The following CNTNAP3 variants were observed in gnomAD, a reference collection of about 807,000 sequenced individuals.
CNTNAP3 encodes contactin associated protein family member 3, also known as contactin-associated protein-like 3.
A neutral mutation model predicts 92.1 loss-of-function variants in CNTNAP3; 36 were observed. The ratio of observed to expected loss-of-function variants is 0.39; its 90% CI spans 0.30 to 0.52. CNTNAP3 has a LOEUF of 0.52. Among genes scored for constraint, CNTNAP3 ranks in the 20% least tolerant of loss-of-function variants. CNTNAP3 has a pLI of 0.76. For synonymous variants in CNTNAP3, 232 were observed against 422.3 expected (o/e 0.55, Z 5.53); for missense variants, 534 against 1,069.6 (o/e 0.50, Z 6.98).
intron 12 of CNTNAP3, among the ~76,000 whole-genome samples, chr9:39,137,450 T>A (rs1269096763): frequency 6.6e-6 from 1 of 152,160 alleles, no homozygotes; most frequent in Admixed American, 6.5e-5. Context: ...ATTATAGTTG[T>A]TTAAAGTCCT....
chr9:39,073,243 G>A lies in CNTNAP3; in HGVS notation c.*647C>T, dbSNP rs1825668943. Reference sequence around the variant, plus strand: ...AAAAAGCAATACACCAAAAATAATGGTAGTGTTTCCAGGCTTCAACTGTGT... The same window carrying A: ...AAAAAGCAATACACCAAAAATAATGATAGTGTTTCCAGGCTTCAACTGTGT... On this transcript the variant is annotated 3_prime_UTR_variant, in exon 24 of 24. Coordinates refer to ENST00000297668, the MANE Select transcript of CNTNAP3 (RefSeq NM_033655.5). 1 of 159,564 alleles carries A rather than the reference G, an allele frequency of 6.3e-6. No individual in the cohort carries two copies. The highest frequency in any genetic ancestry group is 2.4e-5 in the African/African-American group (1 of 41,502). The allele number at this position is 159,564 out of a possible 1,614,324, so 9.9% of individuals were successfully genotyped here. A position where few individuals can be genotyped will look rare whatever the true frequency, so the allele number is the denominator to read the frequency against.
At chr9:39,114,571 C>A (rs1273434847) in intron 14 of CNTNAP3, among the ~76,000 whole-genome samples, 1 of 152,106 alleles carries the variant, frequency 6.6e-6, no homozygotes, top group Non-Finnish European at 1.5e-5. Context: ...ATTTTCTATT[C>A]TTTTAGTTTC....
Position 39,103,733 on chromosome 9 carries a change from G to A in CNTNAP3, c.2536+11C>T, listed in dbSNP as rs1826524509. 6.2e-7 allele frequency: 1 copy of A among 1,609,432 alleles called. No homozygotes were observed. Among genetic ancestry groups the A allele is most frequent in the Non-Finnish European group, 8.5e-7 (1 of 1,179,390 alleles). On this transcript the variant is annotated intron_variant, in intron 16 of 23. Coordinates refer to ENST00000297668, the MANE Select transcript of CNTNAP3 (RefSeq NM_033655.5). ...GGGTACCCTGTGACTTGTCCAGAGT[G>A]GCGAGCTTACCACGCAGCTCAATCC...
chr9:39,111,040 A>T (rs990559684), intron 14 of CNTNAP3, among the ~76,000 whole-genome samples: 1 of 152,026 alleles, frequency 6.6e-6, no homozygotes, highest in Non-Finnish European at 1.5e-5. Flanking sequence ...TTTCTGAATT[A>T]AAAAAAATTA....
At chr9:39,170,397 C>A (rs1822235809) in intron 8 of CNTNAP3, among the ~76,000 whole-genome samples, 1 of 116,204 alleles carries the variant, frequency 8.6e-6, no homozygotes, top group African/African-American at 5.1e-5. Flanking sequence ...TTCGTCTGTG[C>A]CTTTTTCTTT....
chr9:39,074,679 T>C (rs1238745001), intron 23 of CNTNAP3, among the ~76,000 whole-genome samples: 1 of 152,226 alleles, frequency 6.6e-6, no homozygotes, highest in Non-Finnish European at 1.5e-5. Context: ...ATAGAGTGTT[T>C]GCATCATCAT....
intron 10 of CNTNAP3, among the ~76,000 whole-genome samples, chr9:39,149,350 GTTTTTGT>G (rs1438524377): frequency 2.2e-5 from 3 of 136,860 alleles, no homozygotes; most frequent in Non-Finnish European, 4.6e-5. Flanking sequence ...TGCAGTTTTT[GTTTTTGT>G]TTTTTTTTTT....
At position 39,073,246 on chromosome 9, in the gene CNTNAP3, G is replaced by A. The variant is rs1208644712; in HGVS notation, c.*644C>T. 1 of 159,646 alleles carries A rather than the reference G, an allele frequency of 6.3e-6. No individual in the cohort carries two copies. The highest frequency in any genetic ancestry group is 1.4e-5 in the Non-Finnish European group (1 of 71,714). The allele number at this position is 159,646 out of a possible 1,614,324, so 9.9% of individuals were successfully genotyped here. A position where few individuals can be genotyped will look rare whatever the true frequency, so the allele number is the denominator to read the frequency against. ...AAGCAATACACCAAAAATAATGGTAGTGTTTCCAGGCTTCAACTGTGTTGT... is the reference window on the plus strand; with the variant it reads ...AAGCAATACACCAAAAATAATGGTAATGTTTCCAGGCTTCAACTGTGTTGT... On this transcript the variant is annotated 3_prime_UTR_variant, in exon 24 of 24. Coordinates refer to ENST00000297668, the MANE Select transcript of CNTNAP3 (RefSeq NM_033655.5).
At position 39,141,610 on chromosome 9, in the gene CNTNAP3, A is replaced by T. The variant is rs559328945; in HGVS notation, c.1757-972T>A. On this transcript the variant is annotated intron_variant, in intron 11 of 23. Coordinates refer to ENST00000297668, the MANE Select transcript of CNTNAP3 (RefSeq NM_033655.5). ...TGTTTTACCAAGTACAAGGTATGGAATTAATATCTGCAGGAGATGGACATT... is the reference window on the plus strand; with the variant it reads ...TGTTTTACCAAGTACAAGGTATGGATTTAATATCTGCAGGAGATGGACATT... Among the ~76,000 whole-genome samples the T allele has an allele frequency of 3.8e-3, 584 of 152,300 alleles. 3 individuals carry two copies. Among genetic ancestry groups the T allele is most frequent in the African/African-American group, 0.013 (560 of 41,580 alleles).
intron 18 of CNTNAP3, among the ~76,000 whole-genome samples, chr9:39,091,182 T>C (rs1367354800): frequency 6.6e-6 from 1 of 151,150 alleles, no homozygotes; most frequent in Non-Finnish European, 1.5e-5. Context: ...TTTTTTTTTT[T>C]TTTTCATTTT....
chr9:39,147,769 A>G (rs554798386), intron 10 of CNTNAP3, among the ~76,000 whole-genome samples: 1 of 152,320 alleles, frequency 6.6e-6, no homozygotes, highest in African/African-American at 2.4e-5. Flanking sequence ...AGGTTAAAAC[A>G]AAACAGCCTA....
chr9:39,159,742 T>C (rs2118188810), intron 9 of CNTNAP3: 1 of 132,054 alleles, frequency 7.6e-6, no homozygotes. Flanking sequence ...TTGGCCATTG[T>C]CCAAGGGTTT....
chr9:39,166,601 A>G (rs1013567176), intron 8 of CNTNAP3, among the ~76,000 whole-genome samples: 1 of 149,800 alleles, frequency 6.7e-6, no homozygotes, highest in East Asian at 1.9e-4. Context: ...TACTGCACCT[A>G]TTAATTAAGG....
chr9:39,148,482 A>C (rs1278969457), intron 10 of CNTNAP3, among the ~76,000 whole-genome samples: 1 of 152,064 alleles, frequency 6.6e-6, no homozygotes, highest in Non-Finnish European at 1.5e-5. Context: ...AATTTACTCC[A>C]TGAAGAAGGC....
chr9:39,209,520 T>A, intron 3 of CNTNAP3, among the ~76,000 whole-genome samples: 3 of 44,168 alleles, frequency 6.8e-5, no homozygotes, highest in Non-Finnish European at 1.3e-4. Context: ...AAGAAATGAG[T>A]CTAGTCGAGT....
intron 14 of CNTNAP3, among the ~76,000 whole-genome samples, chr9:39,110,104 A>C (rs1207503700): frequency 6.6e-6 from 1 of 152,168 alleles, no homozygotes; most frequent in Non-Finnish European, 1.5e-5. Flanking sequence ...TAGTTCAGGC[A>C]ACAAACACAG....
intron 18 of CNTNAP3, among the ~76,000 whole-genome samples, chr9:39,093,136 A>C (rs1385892916): frequency 2.2e-5 from 2 of 91,328 alleles, no homozygotes; most frequent in Non-Finnish European, 4.8e-5. Context: ...GCATATAGTT[A>C]AGATTTCTTT....
Position 39,065,856 on chromosome 9 carries a change from A to C in CNTNAP3, c.*8034T>G. Among the ~76,000 whole-genome samples, 1 of 152,112 alleles carries C rather than the reference A, an allele frequency of 6.6e-6. No homozygotes were observed. The highest frequency in any genetic ancestry group is 1.5e-5 in the Non-Finnish European group (1 of 67,988). On this transcript the variant is annotated 3_prime_UTR_variant, in exon 24 of 24. Coordinates refer to ENST00000297668, the MANE Select transcript of CNTNAP3 (RefSeq NM_033655.5). Reference sequence around the variant, plus strand: ...GTTCTTTATGAACTATATTCTGAAAAAAATTTACAGCATTCAAATAAAGTG... The same window carrying C: ...GTTCTTTATGAACTATATTCTGAAACAAATTTACAGCATTCAAATAAAGTG...
rs991125668 is a variant in CNTNAP3, at chr9:39,162,706, A to G, written c.1477+3227T>C. 3.7e-5 allele frequency among the ~76,000 whole-genome samples: 5 copies of G among 136,746 alleles called. 1 individual carries two copies. The highest frequency in any genetic ancestry group is 6.0e-5 in the African/African-American group (2 of 33,446). The allele number at this position is 136,746 out of a possible 152,430, so 89.7% of individuals were successfully genotyped here. On this transcript the variant is annotated intron_variant, in intron 9 of 23. Transcript: ENST00000297668. ...TGGAGGCCATTATCCAAAGTGAACT[A>G]ACACAGGAACAGAAAACCAAATACC...
Sources: allele counts gnomAD v4.1 joint callset (sites outside exome capture counted in the v4.1 genomes callset), GRCh38; gene constraint gnomAD v4.1.1; transcripts MANE v1.5; gene names NCBI Gene and HGNC (gene_info 2026-07-23, HGNC 2026-07-21).